Variants in INTS4 observed in about 807,000 individuals in gnomAD.
INTS4 encodes integrator complex subunit 4.
In INTS4, 70 loss-of-function variants were observed where a neutral mutation model predicts 119.5. The ratio of observed to expected loss-of-function variants is 0.59; its 90% CI spans 0.48 to 0.71. The LOEUF (loss-of-function observed/expected upper bound fraction) is 0.71, where lower values mean the gene tolerates loss of function less well. INTS4 is among the 30% of genes least tolerant of loss of function. The pLI is 0.00. For missense variants in INTS4, 867 were observed against 1,173.2 expected (o/e 0.74, Z 3.81); for synonymous variants, 316 against 419.6 (o/e 0.75, Z 3.02).
chr11:77,897,566 T>C (rs1472038364), intron 18 of INTS4, among the ~76,000 whole-genome samples: 3 of 151,358 alleles, frequency 2.0e-5, no homozygotes, highest in Admixed American at 6.6e-5. Flanking sequence ...AGTGGTGGGA[T>C]CTCAGCTCAC....
At chr11:77,994,350 T>C (rs918035270) in intron 1 of INTS4, among the ~76,000 whole-genome samples, 5 of 152,158 alleles carry the variant, frequency 3.3e-5, no homozygotes, top group Non-Finnish European at 5.9e-5. Flanking sequence ...TAAGACAGTT[T>C]CGTAAATTAA....
chr11:77,921,217 G>A (rs975975496), intron 14 of INTS4, 123 bp downstream of exon 14: 3 of 860,628 alleles, frequency 3.5e-6, no homozygotes, highest in East Asian at 5.0e-5. Flanking sequence ...GATGGCTTAA[G>A]CCCAGGAGTT....
At chr11:77,904,598 C>T (rs1952884624) in intron 16 of INTS4, among the ~76,000 whole-genome samples, 1 of 152,156 alleles carries the variant, frequency 6.6e-6, no homozygotes. Context: ...TATCTGGTGG[C>T]TATCAAATTA....
intron 5 of INTS4, among the ~76,000 whole-genome samples, 183 bp downstream of exon 5, chr11:77,960,770 A>T (rs1428393038): frequency 6.6e-6 from 1 of 152,222 alleles, no homozygotes; most frequent in Non-Finnish European, 1.5e-5. Flanking sequence ...AAGCTACCAG[A>T]GAAAGCCAAA....
At chr11:77,908,983 A>G (rs1953027741) in intron 15 of INTS4, among the ~76,000 whole-genome samples, 1 of 152,212 alleles carries the variant, frequency 6.6e-6, no homozygotes, top group Non-Finnish European at 1.5e-5. Flanking sequence ...GATTGAACTA[A>G]GCCAATTAGT....
In INTS4 at chr11:77,944,709, C is replaced by T. The variant is rs568933535; in HGVS notation, c.919-3458G>A. Among the ~76,000 whole-genome samples the T allele has an allele frequency of 1.2e-4, 18 of 152,306 alleles. No individual in the cohort carries two copies. The East Asian group carries it at 3.3e-3, about 28-fold the overall frequency. On this transcript the variant is annotated intron_variant, in intron 8 of 22. Coordinates refer to ENST00000534064, the MANE Select transcript of INTS4 (RefSeq NM_033547.4). The stretch of plus-strand genomic sequence containing the variant: ...TCTGAAATCCAAAATGCTCCAAAAT[C>T]CAAAACTTTTTGAGTACCAACATGA...
At chr11:77,988,212 G>A (rs189395480) in intron 2 of INTS4, among the ~76,000 whole-genome samples, 152 of 152,314 alleles carry the variant, frequency 1.0e-3, no homozygotes, top group African/African-American at 3.3e-3. Flanking sequence ...AATTTACGGA[G>A]CTCAAAGTCT....
chr11:77,940,515 C>T (rs1424792268), intron 9 of INTS4, among the ~76,000 whole-genome samples: 1 of 152,132 alleles, frequency 6.6e-6, no homozygotes, highest in Non-Finnish European at 1.5e-5. Flanking sequence ...TCCATGGTAA[C>T]TGCTGCTGAA....
At chr11:77,987,263 A>C (rs978170986) in intron 2 of INTS4, 1 of 154,942 alleles carries the variant, frequency 6.5e-6, no homozygotes, top group African/African-American at 2.4e-5. Context: ...TTAAAAAAAA[A>C]ACCCAAGTTC....
intron 10 of INTS4, among the ~76,000 whole-genome samples, chr11:77,933,915 G>A (rs940790924): frequency 3.3e-4 from 50 of 152,154 alleles, no homozygotes; most frequent in African/African-American, 1.1e-3. Context: ...CATTGAGAGC[G>A]GGCCATGATG....
At chr11:77,914,645 C>T (rs1241363727) in intron 15 of INTS4, among the ~76,000 whole-genome samples, 1 of 152,152 alleles carries the variant, frequency 6.6e-6, no homozygotes, top group Non-Finnish European at 1.5e-5. Flanking sequence ...CGTATGGTCT[C>T]TGTGGCAACT....
intron 4 of INTS4, among the ~76,000 whole-genome samples, chr11:77,976,693 T>TA: frequency 6.6e-6 from 1 of 152,274 alleles, no homozygotes; most frequent in Non-Finnish European, 1.5e-5. Flanking sequence ...CCAACAATGA[T>TA]AGACTGGATT....
chr11:77,883,967 A>C lies in INTS4; in HGVS notation c.2593-15T>G, dbSNP rs775315472. 6.2e-7 allele frequency: 1 copy of C among 1,611,014 alleles called. No homozygotes were observed. Among genetic ancestry groups the C allele is most frequent in the Non-Finnish European group, 8.5e-7 (1 of 1,178,252 alleles). On this transcript the variant is annotated splice_polypyrimidine_tract_variant and intron_variant, in intron 21 of 22. Coordinates refer to ENST00000534064, the MANE Select transcript of INTS4 (RefSeq NM_033547.4). Reference sequence around the variant, plus strand: ...GGATATAAGACCTAAAGGGTGACAGAAATGAGAAAAAGGCAGAAGCGAGAG... The same window carrying C: ...GGATATAAGACCTAAAGGGTGACAGCAATGAGAAAAAGGCAGAAGCGAGAG...
chr11:77,911,167 A>C, intron 15 of INTS4: 1 of 1,176,578 alleles, frequency 8.5e-7, no homozygotes, highest in Non-Finnish European at 1.1e-6. Flanking sequence ...AAAGGGGCAA[A>C]GAGTAAATTA....
intron 18 of INTS4, among the ~76,000 whole-genome samples, chr11:77,897,273 A>G (rs1417057731): frequency 1.3e-5 from 2 of 151,866 alleles, no homozygotes; most frequent in Admixed American, 6.5e-5. Context: ...GTGGAAGGAC[A>G]CTTTGAGTTC....
At chr11:77,931,446 T>C (rs1953647123) in intron 10 of INTS4, among the ~76,000 whole-genome samples, 1 of 152,230 alleles carries the variant, frequency 6.6e-6, no homozygotes, top group South Asian at 2.1e-4. Flanking sequence ...ATACTCACTT[T>C]TTAAACTTAA....
At chr11:77,921,241 G>A (rs1318126748) in intron 14 of INTS4, 99 bp downstream of exon 14, 8 of 1,251,686 alleles carry the variant, frequency 6.4e-6, no homozygotes, top group Non-Finnish European at 9.1e-6. Context: ...GACCGCCCTG[G>A]GCAACATAAC....
chr11:77,965,258 C>T (rs1383450879), intron 4 of INTS4, among the ~76,000 whole-genome samples: 1 of 152,114 alleles, frequency 6.6e-6, no homozygotes, highest in Admixed American at 6.6e-5. Context: ...ACCACATTTG[C>T]CCAGGCTGGT....
At chr11:77,991,077 T>C (rs779489346) in intron 2 of INTS4, 31 bp downstream of exon 2, 109 of 1,568,160 alleles carry the variant, frequency 7.0e-5, no homozygotes, top group Non-Finnish European at 9.0e-5. Context: ...TCCCATGATA[T>C]ACTCCCATCA....
Sources: gnomAD v4.1 joint callset for allele counts (sites outside exome capture counted in the v4.1 genomes callset) on GRCh38, gnomAD v4.1.1 for gene constraint, MANE v1.5 for transcripts, NCBI Gene and HGNC (gene_info 2026-07-23, HGNC 2026-07-21) for gene names.